The following BICD1 variants were observed in gnomAD, a reference collection of about 807,000 sequenced individuals.
BICD1 encodes BICD cargo adaptor 1.
Under a neutral mutation model 92.5 loss-of-function variants are expected in BICD1, and 35 were observed. The ratio of observed to expected loss-of-function variants is 0.38; its 90% CI spans 0.29 to 0.50. BICD1 has a LOEUF of 0.50. Ranked by LOEUF, BICD1 falls within the 20% of genes least tolerant of loss-of-function variation. BICD1 has a pLI of 0.93. For synonymous variants in BICD1, 429 were observed against 465.1 expected (o/e 0.92, Z 1.00); for missense variants, 950 against 1,189.8 (o/e 0.80, Z 2.97).
At position 32,338,879 on chromosome 12, in the gene BICD1, C is replaced by T. The variant is rs1201543554; in HGVS notation, c.2664C>T (p.Thr888=). The change falls in exon 8 of 10, where the codon ACC becomes ACT. Residue 888 remains threonine (T), a synonymous_variant. Transcript: ENST00000652176. ...TATTAAGAGTTCCCCCTGATCCCAC[C>T]TCCACAGAATCATTTCTTCTGAAGG... ...QNLLRVPPDP[T]STESFLLKGP... 7.5e-6 allele frequency: 12 copies of T among 1,609,468 alleles called. No homozygotes were observed. Among genetic ancestry groups the T allele is most frequent in the African/African-American group, 1.3e-5 (1 of 74,706 alleles).
intron 3 of BICD1, among the ~76,000 whole-genome samples, chr12:32,301,228 T>C (rs1320608032): frequency 6.6e-6 from 1 of 152,174 alleles, no homozygotes; most frequent in African/African-American, 2.4e-5. Context: ...CAAATTGAGA[T>C]TCCTATAATC....
intron 1 of BICD1, among the ~76,000 whole-genome samples, chr12:32,213,064 G>T (rs1456606342): frequency 6.6e-6 from 1 of 152,190 alleles, no homozygotes; most frequent in Non-Finnish European, 1.5e-5. Context: ...AACAGAAATT[G>T]ACGTTGATAC....
At chr12:32,336,195 T>C (rs981299339) in intron 6 of BICD1, among the ~76,000 whole-genome samples, 3 of 152,220 alleles carry the variant, frequency 2.0e-5, no homozygotes, top group African/African-American at 7.2e-5. Context: ...TGAACAGTAT[T>C]TGTTATTCAT....
At chr12:32,375,806 G>A (rs112434575) in intron 9 of BICD1, among the ~76,000 whole-genome samples, 1 of 152,144 alleles carries the variant, frequency 6.6e-6, no homozygotes, top group Non-Finnish European at 1.5e-5. Flanking sequence ...GATAATTTCA[G>A]TACCAAAGAT....
chr12:32,205,729 T>TTTTTTTTTTTTTTTTTTTTTTTGA (rs1217150774), intron 1 of BICD1, among the ~76,000 whole-genome samples: 1 of 147,412 alleles, frequency 6.8e-6, no homozygotes, highest in African/African-American at 2.5e-5. Flanking sequence ...ATGTCAATTT[T>TTTTTTTTTTTTTTTTTTTTTTTGA]GACATATGTA....
At chr12:32,210,935 ATGGTGAAAGGAGGTACC>A (rs1945196783) in intron 1 of BICD1, among the ~76,000 whole-genome samples, 1 of 152,208 alleles carries the variant, frequency 6.6e-6, no homozygotes, top group Non-Finnish European at 1.5e-5. Context: ...TCAGGAGGTG[ATGGTGAAAGGAGGTACC>A]TGGTGGAGCC....
rs541852530 is a variant in BICD1 at position 32,269,027 on chromosome 12, G to T, written c.427-24967G>T. Among the ~76,000 whole-genome samples, 3 of 152,104 alleles carry T rather than the reference G, an allele frequency of 2.0e-5. No homozygotes were observed. The East Asian group carries it at 5.8e-4, about 29-fold the overall frequency. Reference sequence around the variant, plus strand: ...GATTGCTGAAGTTTTTGATTTGTAGGTCTGGGATGGGACTTGAGAATTTGC... The same window carrying T: ...GATTGCTGAAGTTTTTGATTTGTAGTTCTGGGATGGGACTTGAGAATTTGC... On this transcript the variant is annotated intron_variant, in intron 2 of 9. Transcript: ENST00000652176.
chr12:32,144,305 A>T (rs1005409101), intron 1 of BICD1, among the ~76,000 whole-genome samples: 2 of 152,210 alleles, frequency 1.3e-5, no homozygotes, highest in Non-Finnish European at 2.9e-5. Context: ...GCATATATAG[A>T]GGCTTGAGTT....
chr12:32,354,335 T>G (rs1939013936), intron 8 of BICD1, among the ~76,000 whole-genome samples: 1 of 152,216 alleles, frequency 6.6e-6, no homozygotes, highest in Non-Finnish European at 1.5e-5. Flanking sequence ...TGTGATGAAC[T>G]ATATGCAGTT....
intron 1 of BICD1, among the ~76,000 whole-genome samples, chr12:32,213,384 T>TTTG (rs534230009): frequency 2.0e-5 from 3 of 152,106 alleles, no homozygotes; most frequent in African/African-American, 7.2e-5. Flanking sequence ...CCCAATGTTT[T>TTTG]TTGTTGTTGT....
intron 8 of BICD1, among the ~76,000 whole-genome samples, chr12:32,343,019 C>T (rs1004752322): frequency 1.3e-5 from 2 of 152,216 alleles, no homozygotes; most frequent in African/African-American, 4.8e-5. Context: ...TCAGCCCTTA[C>T]AATTGCAGTG....
chr12:32,279,034 T>G (rs1389091601), intron 2 of BICD1, among the ~76,000 whole-genome samples: 3 of 152,208 alleles, frequency 2.0e-5, no homozygotes. Flanking sequence ...GATTTTGTGC[T>G]GCAGCAAAGC....
chr12:32,329,161 C>G (rs2728688), intron 5 of BICD1, among the ~76,000 whole-genome samples: 120,399 of 152,024 alleles, frequency 0.79, 47,925 homozygotes, highest in East Asian at 0.88. Context: ...CTGGAGTGCA[C>G]TGGCGCCATC....
chr12:32,216,578 T>A, intron 2 of BICD1, 119 bp downstream of exon 2: 1 of 1,018,488 alleles, frequency 9.8e-7, no homozygotes, highest in Non-Finnish European at 1.4e-6. Context: ...AGCACGAAAC[T>A]ACTAATACTG....
At chr12:32,239,214 T>C (rs1349331494) in intron 2 of BICD1, among the ~76,000 whole-genome samples, 3 of 137,714 alleles carry the variant, frequency 2.2e-5, no homozygotes, top group African/African-American at 8.1e-5. Flanking sequence ...ACCACTGCAC[T>C]GTAGCCTGGG....
intron 1 of BICD1, among the ~76,000 whole-genome samples, chr12:32,210,708 A>G (rs1360472541): frequency 6.6e-6 from 1 of 152,242 alleles, no homozygotes; most frequent in Non-Finnish European, 1.5e-5. Context: ...ATGTCAGTTT[A>G]CTTCAACTTA....
At chr12:32,300,388 C>T (rs994522543) in intron 3 of BICD1, among the ~76,000 whole-genome samples, 39 of 151,980 alleles carry the variant, frequency 2.6e-4, no homozygotes, top group Non-Finnish European at 4.9e-4. Context: ...CAGGCATGAG[C>T]CACCGTGCCC....
intron 1 of BICD1, among the ~76,000 whole-genome samples, chr12:32,193,503 C>T (rs990029101): frequency 7.9e-5 from 12 of 152,010 alleles, no homozygotes; most frequent in Non-Finnish European, 1.8e-4. Flanking sequence ...TGGAACTGGA[C>T]CTGCAATGTA....
Position 32,339,917 on chromosome 12 carries a change from T to A in BICD1, c.2764+938T>A, listed in dbSNP as rs1938296350. The A allele has an allele frequency of 3.5e-6, 3 of 860,498 alleles. No homozygotes were observed. The South Asian group carries it at 1.6e-4, about 46-fold the overall frequency. 53.3% of individuals were successfully genotyped at this position (860,498 alleles called of 1,614,324 possible). On this transcript the variant is annotated intron_variant, in intron 8 of 9. Transcript: ENST00000652176. ...AATATCTGGCAGCCCTAGGTCTGCGTTCACGCATGTCAACACCTGTTGGAG... is the reference window on the plus strand; with the variant it reads ...AATATCTGGCAGCCCTAGGTCTGCGATCACGCATGTCAACACCTGTTGGAG...
Sources: gnomAD v4.1 joint callset for allele counts (sites outside exome capture counted in the v4.1 genomes callset) on GRCh38, gnomAD v4.1.1 for gene constraint, MANE v1.5 for transcripts, NCBI Gene and HGNC (gene_info 2026-07-23, HGNC 2026-07-21) for gene names.